NUP210: variants seen among roughly 807,000 people sequenced by gnomAD.
NUP210 encodes nuclear pore membrane glycoprotein 210.
NUP210 carries 151 observed loss-of-function variants against 196.0 expected under a neutral mutation model. The observed-to-expected ratio is 0.77, with a 90% CI of 0.67 to 0.88. The LOEUF (loss-of-function observed/expected upper bound fraction) is 0.88. Ranked by LOEUF, NUP210 falls within the 40% of genes least tolerant of loss-of-function variation. The probability of loss-of-function intolerance (pLI) is 0.00; values close to 1 mark genes in which losing one functional copy is unlikely to be tolerated. For missense variants in NUP210, 2,314 were observed against 2,493.7 expected (o/e 0.93, Z 1.53); for synonymous variants, 1,070 against 1,052.7 (o/e 1.02, Z -0.32).
At chr3:13,419,973 TGCCGGCCTCCC>T (rs1700477518) in intron 1 of NUP210, 76 bp downstream of exon 1, 1 of 916,228 alleles carries the variant, frequency 1.1e-6, no homozygotes, top group Admixed American at 5.4e-5. Flanking sequence ...CTGCCGGCTC[TGCCGGCCTCCC>T]GGCGCCCGCC....
At chr3:13,332,722 A>G (rs189449448) in intron 28 of NUP210, among the ~76,000 whole-genome samples, 2 of 110,400 alleles carry the variant, frequency 1.8e-5, no homozygotes, top group East Asian at 4.4e-4. Flanking sequence ...GCAAGACCCT[A>G]TCTCACACAC....
In NUP210 at chr3:13,377,451, C is replaced by T; in HGVS notation, c.1152+5G>A. On this transcript the variant is annotated splice_donor_5th_base_variant and intron_variant, in intron 9 of 39. Coordinates refer to ENST00000254508, the MANE Select transcript of NUP210 (RefSeq NM_024923.4). ...CCCCCAGCCAGGACCTGAACAGGCA[C>T]TCACGTCAGATACATAGACCTTGTT... 1.2e-6 allele frequency: 2 copies of T among 1,603,272 alleles called. No homozygotes were observed. Among genetic ancestry groups the T allele is most frequent in the Non-Finnish European group, 1.7e-6 (2 of 1,170,568 alleles).
At chr3:13,373,689 CA>C in intron 12 of NUP210, 28 bp downstream of exon 12, 1 of 1,612,352 alleles carries the variant, frequency 6.2e-7, no homozygotes, top group Non-Finnish European at 8.5e-7. Context: ...CCGAGCCTCC[CA>C]GGGGGTGTCT....
chr3:13,388,263 C>G, intron 5 of NUP210, 40 bp downstream of exon 5: 1 of 1,540,232 alleles, frequency 6.5e-7, no homozygotes, highest in African/African-American at 1.4e-5. Context: ...CCTGATTCCA[C>G]CCCAGGAAGC....
Position 13,388,394 on chromosome 3 carries a change from T to C in NUP210, c.593A>G (p.Lys198Arg), listed in dbSNP as rs761350879. The change falls in exon 5 of 40, where the codon AAG (lysine) becomes AGG (arginine). Residue 198 changes from lysine to arginine, a missense_variant. Physicochemically the swap from Lys to Arg is conservative, Grantham distance 26 (BLOSUM62 2). Transcript: ENST00000254508. ...GATGGTGTCCCCTTGCTTGGCAGCC[T>C]TCTCCATCTCTGAGATGTAAGAAGG... ...IPPSYISEME[K>R]AAKQGDTILV... 3.7e-6 allele frequency: 6 copies of C among 1,612,630 alleles called. No homozygotes were observed. In the East Asian group the frequency reaches 1.3e-4, roughly 36 times the overall value.
chr3:13,329,050 C>T, intron 30 of NUP210, 104 bp from the exon 31 acceptor site: 1 of 975,836 alleles, frequency 1.0e-6, no homozygotes, highest in South Asian at 1.6e-5. Flanking sequence ...CAGGATCCAC[C>T]TCAGGAACAA....
Position 13,317,419 on chromosome 3 carries a change from C to G in NUP210, c.*262G>C. On this transcript the variant is annotated 3_prime_UTR_variant, in exon 40 of 40. Transcript: ENST00000254508. Reference sequence around the variant, plus strand: ...ACATTGTCCAGAAACCCTAGACAACCATGCAAAAAGGAATGAGCCAAAAAG... The same window carrying G: ...ACATTGTCCAGAAACCCTAGACAACGATGCAAAAAGGAATGAGCCAAAAAG... 2.0e-6 allele frequency: 1 copy of G among 499,772 alleles called. No individual in the cohort carries two copies. The highest frequency in any genetic ancestry group is 3.6e-5 in the Admixed American group (1 of 27,670). 31.0% of individuals were successfully genotyped at this position (499,772 alleles called of 1,614,324 possible).
intron 33 of NUP210, among the ~76,000 whole-genome samples, chr3:13,324,545 C>G (rs983169697): frequency 6.6e-6 from 1 of 152,296 alleles, no homozygotes; most frequent in East Asian, 1.9e-4. Flanking sequence ...TCATCCCAAG[C>G]CCTTCCTCCC....
chr3:13,340,835 G>A lies in NUP210; in HGVS notation c.3229-537C>T, dbSNP rs1697452735. Among the ~76,000 whole-genome samples the A allele has an allele frequency of 6.6e-6, 1 of 152,100 alleles. No homozygotes were observed. The highest frequency in any genetic ancestry group is 2.4e-5 in the African/African-American group (1 of 41,422). On this transcript the variant is annotated intron_variant, in intron 23 of 39. Coordinates refer to ENST00000254508, the MANE Select transcript of NUP210 (RefSeq NM_024923.4). This position sits in a 1 kb window ranked among gnomAD's most constrained non-coding sequence, Gnocchi z 4.0. ...AGGGACGTTGGTGCCACTCTTTGCA[G>A]CAGGTGAAGCCCCCACCTGCTCCTC... is the stretch of plus-strand genomic sequence containing the variant.
intron 3 of NUP210, 35 bp from the exon 4 acceptor site, chr3:13,391,342 G>A (rs1169523914): frequency 4.1e-6 from 6 of 1,447,200 alleles, no homozygotes; most frequent in African/African-American, 1.4e-5. Flanking sequence ...GACAGATATG[G>A]AGTTAATTTC....
rs1336297361 is a variant in NUP210 at position 13,332,398 on chromosome 3, C to G, written c.3844-14G>C. ...CTTCTCAAACACCTGCAAGAGAGGG[C>G]AAGTTTCACTTCCGATGGGGCACTG... is the stretch of plus-strand genomic sequence containing the variant. On this transcript the variant is annotated splice_polypyrimidine_tract_variant and intron_variant, in intron 28 of 39. Coordinates refer to ENST00000254508, the MANE Select transcript of NUP210 (RefSeq NM_024923.4). 6.2e-7 allele frequency: 1 copy of G among 1,603,726 alleles called. No homozygotes were observed. Among genetic ancestry groups the G allele is most frequent in the African/African-American group, 1.3e-5 (1 of 74,704 alleles).
In NUP210 at chr3:13,347,058, A is replaced by G; in HGVS notation, c.2836-3755T>C. 1 of 985,096 alleles carries G rather than the reference A, an allele frequency of 1.0e-6. No homozygotes were observed. The highest frequency in any genetic ancestry group is 1.2e-6 in the Non-Finnish European group (1 of 829,854). 61.0% of individuals were successfully genotyped at this position (985,096 alleles called of 1,614,324 possible). ...ACTTCAGGCCCTGCAATTGCCACCC[A>G]CTCCCCACTCATCCTGGACACATGT... On this transcript the variant is annotated intron_variant, in intron 20 of 39. Transcript: ENST00000254508. The surrounding 1 kb of genome is among the most constrained non-coding windows in gnomAD (Gnocchi z 4.7).
chr3:13,403,300 G>A (rs1229143036), intron 1 of NUP210, among the ~76,000 whole-genome samples: 1 of 152,188 alleles, frequency 6.6e-6, no homozygotes, highest in African/African-American at 2.4e-5. Context: ...CATACTAGGT[G>A]TCTAGTGAGG....
chr3:13,339,820 A>C, intron 25 of NUP210, 34 bp downstream of exon 25: 1 of 1,570,622 alleles, frequency 6.4e-7, no homozygotes, highest in East Asian at 2.2e-5. Flanking sequence ...TGTCCCAGGC[A>C]CAGCTGCCCA....
At chr3:13,364,325 G>A (rs1698461285) in intron 14 of NUP210, among the ~76,000 whole-genome samples, 1 of 152,194 alleles carries the variant, frequency 6.6e-6, no homozygotes, top group African/African-American at 2.4e-5. Flanking sequence ...ATGTGTGGAG[G>A]ATGAGGAGCA....
chr3:13,348,811 T>C lies in NUP210; in HGVS notation c.2835+3068A>G. 7 of 985,298 alleles carry C rather than the reference T, an allele frequency of 7.1e-6. No homozygotes were observed. The highest frequency in any genetic ancestry group is 8.4e-6 in the Non-Finnish European group (7 of 829,908). 61.0% of individuals were successfully genotyped at this position (985,298 alleles called of 1,614,324 possible). On this transcript the variant is annotated intron_variant, in intron 20 of 39. Coordinates refer to ENST00000254508, the MANE Select transcript of NUP210 (RefSeq NM_024923.4). This position sits in a 1 kb window ranked among gnomAD's most constrained non-coding sequence, Gnocchi z 4.0. ...CTTGAGGCACGGCGCTGAGAAAACA[T>C]CCTCTTTGCAAGACAGCTGGAGACC...
chr3:13,402,675 C>T (rs1027420852), intron 1 of NUP210, among the ~76,000 whole-genome samples: 20 of 151,730 alleles, frequency 1.3e-4, no homozygotes, highest in Admixed American at 9.9e-4. Context: ...GCACAACAGA[C>T]GTGTAACACA....
At position 13,348,198 on chromosome 3, in the gene NUP210, T is replaced by C. The variant is rs900267992; in HGVS notation, c.2835+3681A>G. 1.8e-5 allele frequency: 3 copies of C among 167,434 alleles called. No homozygotes were observed. The highest frequency in any genetic ancestry group is 3.7e-5 in the Non-Finnish European group (3 of 81,982). The allele number at this position is 167,434 out of a possible 1,614,324, so 10.4% of individuals were successfully genotyped here. A position where few individuals can be genotyped will look rare whatever the true frequency, so the allele number is the denominator to read the frequency against. On this transcript the variant is annotated intron_variant, in intron 20 of 39. Transcript: ENST00000254508. The surrounding 1 kb of genome is among the most constrained non-coding windows in gnomAD (Gnocchi z 4.0). ...AGGATTCAAGAGGGGTTTAAAGGTC[T>C]CCTGGGGAAACTTGACTCCCATGCT... is the stretch of plus-strand genomic sequence containing the variant.
At chr3:13,373,640 G>A (rs1698802577) in intron 12 of NUP210, 78 bp downstream of exon 12, 1 of 1,482,662 alleles carries the variant, frequency 6.7e-7, no homozygotes, top group Non-Finnish European at 9.4e-7. Context: ...TCTGAGTGAA[G>A]TCGAGGCTTG....
Sources: gnomAD v4.1 joint callset for allele counts (sites outside exome capture counted in the v4.1 genomes callset) on GRCh38, gnomAD v4.1.1 for gene constraint, Gnocchi (gnomAD v3.1) non-coding constraint, MANE v1.5 for transcripts, NCBI Gene and HGNC (gene_info 2026-07-23, HGNC 2026-07-21) for gene names.